The following METTL4 variants were observed in gnomAD, a reference collection of about 807,000 sequenced individuals.
METTL4 encodes the protein methyltransferase 4, N6-adenosine, also known as N(6)-adenine-specific methyltransferase METTL4.
A neutral mutation model predicts 54.0 loss-of-function variants in METTL4; 40 were observed. The observed-to-expected ratio is 0.74, with a 90% confidence interval of 0.58 to 0.96. The LOEUF is 0.96. METTL4 is among the 50% of genes least tolerant of loss of function. The pLI is 0.00. For synonymous variants in METTL4, 169 were observed against 183.8 expected (o/e 0.92, Z 0.65); for missense variants, 525 against 549.0 (o/e 0.96, Z 0.44).
rs2072433856 is a variant in METTL4 at position 2,567,148 on chromosome 18, GTTTATC to G, written c.63_68del (p.Lys21_Ile22del). ...GTTCATGATGCTGGTGAAGTTGATA[GTTTATC>G]TTGTTGATAAAAGAAAGATGATCCA... On this transcript the variant is annotated inframe_deletion, in exon 2 of 9. Transcript: ENST00000574538. 1 of 1,613,856 alleles carries G rather than the reference GTTTATC, an allele frequency of 6.2e-7. No homozygotes were observed. The highest frequency in any genetic ancestry group is 8.5e-7 in the Non-Finnish European group (1 of 1,179,930).
chr18:2,562,099 C>T (rs1459448836), intron 3 of METTL4: 1 of 152,608 alleles, frequency 6.6e-6, no homozygotes, highest in African/African-American at 2.4e-5. Context: ...GGGCTGCATA[C>T]AGTGGCTCTT....
Position 2,567,109 on chromosome 18 carries a change from T to C in METTL4, c.108A>G (p.Lys36=). ...LHQHHEPCCR[K]KEFTTSVHFE... The stretch of plus-strand genomic sequence containing the variant: ...AGTGAACAGAAGTAGTGAACTCCTT[T>C]TTACGGCAACAAGGTTCATGATGCT... The change falls in exon 2 of 9, where the codon AAA becomes AAG. Residue 36 remains lysine, a synonymous_variant. Coordinates refer to ENST00000574538, the MANE Select transcript of METTL4 (RefSeq NM_022840.5). 6.2e-7 allele frequency: 1 copy of C among 1,614,186 alleles called. No individual in the cohort carries two copies. Among genetic ancestry groups the C allele is most frequent in the South Asian group, 1.1e-5 (1 of 91,080 alleles).
chr18:2,569,710 C>T (rs765100775), intron 1 of METTL4, among the ~76,000 whole-genome samples: 3 of 152,222 alleles, frequency 2.0e-5, no homozygotes, highest in African/African-American at 4.8e-5. Context: ...CTCTGAGATT[C>T]GCCTTCCATG....
chr18:2,552,873 G>A, intron 4 of METTL4, 109 bp from the exon 5 acceptor site: 1 of 674,090 alleles, frequency 1.5e-6, no homozygotes, highest in Admixed American at 2.5e-5. Context: ...CGAATATAAT[G>A]GAATGCACCA....
intron 6 of METTL4, 146 bp downstream of exon 6, chr18:2,547,208 TA>T: frequency 1.9e-6 from 1 of 520,824 alleles, no homozygotes; most frequent in Non-Finnish European, 3.0e-6. Context: ...AATAAAAATA[TA>T]AAAGTGGTAA....
chr18:2,566,444 CT>C (rs904066503), intron 2 of METTL4, among the ~76,000 whole-genome samples: 10 of 151,438 alleles, frequency 6.6e-5, no homozygotes, highest in African/African-American at 1.9e-4. Flanking sequence ...TGTAGAAAAA[CT>C]TTTTTTTTAA....
In METTL4 at chr18:2,554,924, G is replaced by T. The variant is rs140108594; in HGVS notation, c.574C>A (p.Pro192Thr). 193 of 1,614,050 alleles carry T rather than the reference G, an allele frequency of 1.2e-4. No individual in the cohort carries two copies. In the African/African-American group the frequency reaches 1.9e-3, roughly 15 times the overall value. The change falls in exon 4 of 9, where the codon CCA becomes ACA. Residue 192 changes from proline to threonine, a missense_variant. Coordinates refer to ENST00000574538, the MANE Select transcript of METTL4 (RefSeq NM_022840.5). ...TCTGACAAACTGCAGGCGTCAAGTG[G>T]TAAAGTAATGGGCTTACTACCCTTG... ...QDKGSKPITL[P>T]LDACSLSELC...
At chr18:2,563,373 GCCA>G (rs1011711160) in intron 3 of METTL4, among the ~76,000 whole-genome samples, 1 of 151,978 alleles carries the variant, frequency 6.6e-6, no homozygotes, top group African/African-American at 2.4e-5. Flanking sequence ...CTGGCGGATG[GCCA>G]GAGCTCAGTA....
rs771003068 is a variant in METTL4, at chr18:2,563,810, T to C, written c.446A>G (p.Glu149Gly). The C allele has an allele frequency of 1.9e-6, 3 of 1,609,588 alleles. No individual in the cohort carries two copies. Among genetic ancestry groups the C allele is most frequent in the Non-Finnish European group, 2.5e-6 (3 of 1,177,330 alleles). The change falls in exon 3 of 9, where the codon GAA becomes GGA. Residue 149 changes from glutamate to glycine, a missense_variant. By Grantham distance (98) the Glu-to-Gly change is moderately conservative. Transcript: ENST00000574538. ...TTTTACACTTACCTTTGTATGGTAT[T>C]CCATAGCATCCAATTCACCTTGATT... is the stretch of plus-strand genomic sequence containing the variant. ...VFNQGELDAM[E>G]YHTKIRELIL...
At chr18:2,555,072 T>C (rs752100055) in intron 3 of METTL4, 34 bp from the exon 4 acceptor site, 12 of 1,590,054 alleles carry the variant, frequency 7.5e-6, no homozygotes, top group African/African-American at 2.7e-5. Flanking sequence ...TAAAAGAACG[T>C]TGACATTAAA....
intron 1 of METTL4, among the ~76,000 whole-genome samples, chr18:2,569,907 T>G (rs2644188): frequency 0.97 from 147,798 of 152,294 alleles, 71,873 homozygotes; most frequent in East Asian, 1. Context: ...CCTAGGAAAT[T>G]AATAGTGGGT....
chr18:2,541,443 CAACT>C (rs1268259818), intron 8 of METTL4, among the ~76,000 whole-genome samples: 2 of 152,134 alleles, frequency 1.3e-5, no homozygotes, highest in Non-Finnish European at 2.9e-5. Flanking sequence ...ATAATCCCAT[CAACT>C]AAACTTCACT....
chr18:2,562,476 T>C (rs763640429), intron 3 of METTL4, among the ~76,000 whole-genome samples: 13 of 152,156 alleles, frequency 8.5e-5, no homozygotes, highest in African/African-American at 1.4e-4. Flanking sequence ...TGTACACCAA[T>C]GTTCACAGAA....
chr18:2,547,973 C>T (rs1018357456), intron 5 of METTL4, among the ~76,000 whole-genome samples: 1 of 152,096 alleles, frequency 6.6e-6, no homozygotes, highest in African/African-American at 2.4e-5. Context: ...ATTGGTAATG[C>T]TAAAGCCAAT....
Position 2,539,004 on chromosome 18 carries a change from C to T in METTL4, c.1415G>A (p.Ser472Asn), listed in dbSNP as rs1489134072. 6.2e-7 allele frequency: 1 copy of T among 1,613,540 alleles called. No homozygotes were observed. The highest frequency in any genetic ancestry group is 1.7e-5 in the Admixed American group (1 of 59,986). Reference protein sequence around the residue: ...VDYFIAVESGS With the variant: ...VDYFIAVESGN ...CTACTTTAATCAAGATCATAGTCAGCTTCCAGACTCCACAGCAATAAAATA... is the reference window on the plus strand; with the variant it reads ...CTACTTTAATCAAGATCATAGTCAGTTTCCAGACTCCACAGCAATAAAATA... The change falls in exon 9 of 9, where the codon AGC (serine) becomes AAC (asparagine). Residue 472 changes from serine to asparagine, a missense_variant. Ser to Asn is a conservative substitution (Grantham distance 46). Coordinates refer to ENST00000574538, the MANE Select transcript of METTL4 (RefSeq NM_022840.5).
Position 2,538,773 on chromosome 18 carries a change from C to A in METTL4, c.*227G>T. ...TCTTGCCGTCTTTATAACTGCTTACCACTTAATTTGTATAGTCTAGAATAA... is the reference window on the plus strand; with the variant it reads ...TCTTGCCGTCTTTATAACTGCTTACAACTTAATTTGTATAGTCTAGAATAA... On this transcript the variant is annotated 3_prime_UTR_variant, in exon 9 of 9. Transcript: ENST00000574538. 1 of 487,130 alleles carries A rather than the reference C, an allele frequency of 2.1e-6. No homozygotes were observed. The highest frequency in any genetic ancestry group is 3.6e-6 in the Non-Finnish European group (1 of 276,472). 30.2% of individuals were successfully genotyped at this position (487,130 alleles called of 1,614,324 possible).
Position 2,552,050 on chromosome 18 carries a change from G to A in METTL4, c.899+645C>T, listed in dbSNP as rs140199325. On this transcript the variant is annotated intron_variant, in intron 5 of 8. Transcript: ENST00000574538. ...TCTACTAAAAATACAAAAATTAGCC[G>A]GGCATGGTGGCGTGCGCCTGTACTC... Among the ~76,000 whole-genome samples the A allele has an allele frequency of 1.6e-3, 245 of 152,066 alleles. 2 individuals carry two copies. The highest frequency in any genetic ancestry group is 5.6e-3 in the African/African-American group (231 of 41,494).
intron 5 of METTL4, among the ~76,000 whole-genome samples, chr18:2,551,163 CAAAAAAA>C (rs752257490): frequency 2.0e-5 from 1 of 49,288 alleles, no homozygotes; most frequent in Non-Finnish European, 4.4e-5. Context: ...GACTCCGTCT[CAAAAAAA>C]AAAAAAAAAA....
chr18:2,567,852 T>G (rs1245248204), intron 1 of METTL4, among the ~76,000 whole-genome samples, 198 bp from the exon 2 acceptor site: 1 of 151,970 alleles, frequency 6.6e-6, no homozygotes, highest in Non-Finnish European at 1.5e-5. Context: ...ACCAATGGAG[T>G]AATAAGGTAA....
Sources: gnomAD v4.1 joint callset for allele counts (sites outside exome capture counted in the v4.1 genomes callset) on GRCh38, gnomAD v4.1.1 for gene constraint, MANE v1.5 for transcripts, NCBI Gene and HGNC (gene_info 2026-07-23, HGNC 2026-07-21) for gene names.